ITGA4: variants seen among roughly 807,000 people sequenced by gnomAD.
ITGA4 encodes integrin alpha-4.
ITGA4 carries 63 observed loss-of-function variants against 133.6 expected under a neutral mutation model. The ratio of observed to expected loss-of-function variants is 0.47; its 90% CI spans 0.38 to 0.58. The LOEUF is 0.58. Among genes scored for constraint, ITGA4 ranks in the 20% least tolerant of loss-of-function variants. ITGA4 has a pLI of 0.00. For synonymous variants in ITGA4, 483 were observed against 438.0 expected (o/e 1.10, Z -1.28); for missense variants, 1,076 against 1,252.7 (o/e 0.86, Z 2.13).
At chr2:181,467,027 TC>T (rs1334211677) in intron 2 of ITGA4, among the ~76,000 whole-genome samples, 2 of 152,182 alleles carry the variant, frequency 1.3e-5, no homozygotes, top group African/African-American at 4.8e-5. Flanking sequence ...AATATATTTT[TC>T]CTAATCTGAA....
intron 7 of ITGA4, among the ~76,000 whole-genome samples, chr2:181,482,159 G>C (rs972034010): frequency 1.3e-5 from 2 of 152,124 alleles, no homozygotes; most frequent in Admixed American, 1.3e-4. Flanking sequence ...GATAATTCCT[G>C]AGAAAATACT....
intron 2 of ITGA4, among the ~76,000 whole-genome samples, chr2:181,469,668 A>G (rs1293066241): frequency 6.6e-6 from 1 of 152,154 alleles, no homozygotes; most frequent in Non-Finnish European, 1.5e-5. Context: ...AACCAACCCA[A>G]ATGTCCATCA....
intron 2 of ITGA4, among the ~76,000 whole-genome samples, chr2:181,460,088 A>G (rs2105708874): frequency 6.6e-6 from 1 of 152,372 alleles, no homozygotes; most frequent in Non-Finnish European, 1.5e-5. Flanking sequence ...ATGAATGAAT[A>G]AAAGTGGAGT....
intron 15 of ITGA4, among the ~76,000 whole-genome samples, chr2:181,504,048 C>A (rs1686339758): frequency 6.6e-6 from 1 of 151,918 alleles, no homozygotes; most frequent in Non-Finnish European, 1.5e-5. Flanking sequence ...ATCAAAATAT[C>A]CACTGATATT....
At chr2:181,519,951 C>A (rs1686684180) in intron 17 of ITGA4, among the ~76,000 whole-genome samples, 1 of 152,084 alleles carries the variant, frequency 6.6e-6, no homozygotes, top group South Asian at 2.1e-4. Flanking sequence ...CAGACATGTA[C>A]TTACCTGCTT....
chr2:181,525,860 CAAG>C (rs1686822435), intron 21 of ITGA4, among the ~76,000 whole-genome samples: 2 of 152,164 alleles, frequency 1.3e-5, no homozygotes, highest in African/African-American at 4.8e-5. Context: ...CCCTCTCATT[CAAG>C]AAGGAGATGT....
At chr2:181,472,022 GGAGA>G in intron 2 of ITGA4, among the ~76,000 whole-genome samples, 1 of 152,310 alleles carries the variant, frequency 6.6e-6, no homozygotes, top group Non-Finnish European at 1.5e-5. Context: ...GCACTCATGT[GGAGA>G]GAAAGAAGTT....
intron 20 of ITGA4, 27 bp downstream of exon 20, chr2:181,524,277 C>CTAGA (rs1405691114): frequency 1.6e-6 from 2 of 1,265,414 alleles, no homozygotes; most frequent in Non-Finnish European, 2.2e-6. Flanking sequence ...ATAAAATGAA[C>CTAGA]TAGAAATATA....
intron 2 of ITGA4, among the ~76,000 whole-genome samples, chr2:181,460,750 T>A (rs1296341379): frequency 2.0e-5 from 3 of 152,188 alleles, no homozygotes; most frequent in African/African-American, 7.2e-5. Context: ...ATTATCTGTA[T>A]GTTATCTGTA....
At chr2:181,484,165 C>G (rs140516972) in intron 9 of ITGA4, among the ~76,000 whole-genome samples, 2 of 152,054 alleles carry the variant, frequency 1.3e-5, no homozygotes, top group Non-Finnish European at 2.9e-5. Flanking sequence ...GTATAGATGC[C>G]TTGTGGAGAG....
chr2:181,493,557 G>T, intron 11 of ITGA4, 138 bp downstream of exon 11: 1 of 514,042 alleles, frequency 1.9e-6, no homozygotes, highest in Non-Finnish European at 3.4e-6. Flanking sequence ...TACTTATAGT[G>T]GCAAATGATC....
At chr2:181,460,907 AGATC>A (rs1685260807) in intron 2 of ITGA4, among the ~76,000 whole-genome samples, 2 of 152,126 alleles carry the variant, frequency 1.3e-5, no homozygotes, top group Non-Finnish European at 2.9e-5. Context: ...TAATGATTAA[AGATC>A]GATCTGTGAT....
Position 181,481,659 on chromosome 2 carries a change from T to C in ITGA4, c.816T>C (p.Ala272=), listed in dbSNP as rs1306998037. Residue 272 remains alanine, a synonymous_variant, in exon 7 of 28, where the codon GCT becomes GCC. Transcript: ENST00000397033. ...ATACTACCGAAGTAGTCGGAGGAGC[T>C]CCTCAACATGAGCAGATTGGTAAGG... ...SQHTTEVVGG[A]PQHEQIGKAY... is the part of the protein sequence containing the mutation. 2 of 1,593,760 alleles carry C rather than the reference T, an allele frequency of 1.3e-6. No homozygotes were observed. Among genetic ancestry groups the C allele is most frequent in the Non-Finnish European group, 1.7e-6 (2 of 1,163,788 alleles).
At chr2:181,470,200 T>G (rs1437345347) in intron 2 of ITGA4, among the ~76,000 whole-genome samples, 2 of 151,958 alleles carry the variant, frequency 1.3e-5, no homozygotes, top group Admixed American at 6.5e-5. Context: ...AATAGAACTA[T>G]TACAAGACTC....
intron 10 of ITGA4, 150 bp from the exon 11 acceptor site, chr2:181,493,175 T>C (rs1686089355): frequency 1.7e-6 from 1 of 587,542 alleles, no homozygotes; most frequent in Admixed American, 3.2e-5. Context: ...ATGATGATAG[T>C]ATTTTATTTT....
At chr2:181,477,452 T>C (rs575603027) in intron 4 of ITGA4, among the ~76,000 whole-genome samples, 4 of 152,196 alleles carry the variant, frequency 2.6e-5, no homozygotes, top group East Asian at 1.9e-4. Flanking sequence ...AATATTCGCA[T>C]AAGTCCTATA....
rs746788411 is a variant in ITGA4 at position 181,523,400 on chromosome 2, T to C, written c.2074-37T>C. Reference sequence around the variant, plus strand: ...CATATGTTACAAACTTTTTATTTCCTTCCTGTCCAAAACAGTTGTTTCATT... The same window carrying C: ...CATATGTTACAAACTTTTTATTTCCCTCCTGTCCAAAACAGTTGTTTCATT... On this transcript the variant is annotated intron_variant, in intron 18 of 27. Coordinates refer to ENST00000397033, the MANE Select transcript of ITGA4 (RefSeq NM_000885.6). The surrounding 1 kb of genome is among the most constrained non-coding windows in gnomAD (Gnocchi z 4.2). 1.1e-5 allele frequency: 13 copies of C among 1,230,408 alleles called. No homozygotes were observed. Among genetic ancestry groups the C allele is most frequent in the Non-Finnish European group, 1.6e-5 (13 of 831,770 alleles). The allele number at this position is 1,230,408 out of a possible 1,614,324, so 76.2% of individuals were successfully genotyped here.
chr2:181,481,380 G>A (rs1023185345), intron 6 of ITGA4, among the ~76,000 whole-genome samples: 8 of 152,052 alleles, frequency 5.3e-5, no homozygotes, highest in Admixed American at 1.3e-4. Context: ...TCTAGGACTC[G>A]GAAATACATA....
In ITGA4 at chr2:181,522,176, T is replaced by A; in HGVS notation, c.1923-15T>A. On this transcript the variant is annotated splice_polypyrimidine_tract_variant and intron_variant, in intron 17 of 27. Transcript: ENST00000397033. ...TTTCCTAAACAAGAACTAAATAATATTACTTAATTTTTAGGCCCCATGAAA... is the reference window on the plus strand; with the variant it reads ...TTTCCTAAACAAGAACTAAATAATAATACTTAATTTTTAGGCCCCATGAAA... 1 of 1,507,046 alleles carries A rather than the reference T, an allele frequency of 6.6e-7. No homozygotes were observed. Among genetic ancestry groups the A allele is most frequent in the Non-Finnish European group, 9.1e-7 (1 of 1,097,144 alleles). 93.4% of individuals were successfully genotyped at this position (1,507,046 alleles called of 1,614,324 possible).
Sources: allele counts gnomAD v4.1 joint callset (sites outside exome capture counted in the v4.1 genomes callset), GRCh38; gene constraint gnomAD v4.1.1; non-coding constraint Gnocchi (gnomAD v3.1); transcripts MANE v1.5; gene names NCBI Gene and HGNC (gene_info 2026-07-23, HGNC 2026-07-21).